The following ZNF620 variants were observed in gnomAD, a reference collection of about 807,000 sequenced individuals.
ZNF620 encodes the protein zinc finger protein 620.
ZNF620 carries 10 observed loss-of-function variants against 13.3 expected under a neutral mutation model. The observed-to-expected ratio is 0.75, with a 90% CI of 0.46 to 1.28. The LOEUF is 1.28. Among genes scored for constraint, ZNF620 ranks in the 50% most tolerant of loss-of-function variants. ZNF620 has a pLI of 0.00. For missense variants in ZNF620, 461 were observed against 500.2 expected (o/e 0.92, Z 0.75); for synonymous variants, 166 against 177.6 (o/e 0.93, Z 0.52).
chr3:40,515,861 G>C lies in ZNF620; in HGVS notation c.267G>C (p.Gly89=). The stretch of plus-strand genomic sequence containing the variant: ...ATTTGTATTTTCTTTTTGTGATAGG[G>C]GATGAGGCCAGAACTGAGAAGGAAG... ...GREALRGICP[G]DEARTEKEGL... is the part of the protein sequence containing the mutation. Residue 89 remains glycine, a splice_region_variant and synonymous_variant, in exon 5 of 5, where the codon GGG becomes GGC. Coordinates refer to ENST00000314529, the MANE Select transcript of ZNF620 (RefSeq NM_175888.4). 1 of 1,598,862 alleles carries C rather than the reference G, an allele frequency of 6.3e-7. No individual in the cohort carries two copies. The highest frequency in any genetic ancestry group is 8.5e-7 in the Non-Finnish European group (1 of 1,172,456).
chr3:40,513,318 T>A (rs13082794), intron 4 of ZNF620, among the ~76,000 whole-genome samples: 10,902 of 30,478 alleles, frequency 0.36, 852 homozygotes, highest in Middle Eastern at 0.42. Context: ...AAAAAAAAAA[T>A]ATATATATAT....
At position 40,516,710 on chromosome 3, in the gene ZNF620, A is replaced by G; in HGVS notation, c.1116A>G (p.Ala372=). 1 of 1,614,128 alleles carries G rather than the reference A, an allele frequency of 6.2e-7. No homozygotes were observed. The highest frequency in any genetic ancestry group is 8.5e-7 in the Non-Finnish European group (1 of 1,179,930). Residue 372 remains alanine, a synonymous_variant, in exon 5 of 5, where the codon GCA becomes GCG. Coordinates refer to ENST00000314529, the MANE Select transcript of ZNF620 (RefSeq NM_175888.4). ...KPFECKECGK[A]FNQKITLIQH... ...TTGAATGTAAGGAGTGTGGGAAGGCATTCAATCAGAAAATAACCCTGATTC... is the reference window on the plus strand; with the variant it reads ...TTGAATGTAAGGAGTGTGGGAAGGCGTTCAATCAGAAAATAACCCTGATTC...
intron 2 of ZNF620, among the ~76,000 whole-genome samples, chr3:40,511,183 G>A (rs1054714332): frequency 3.9e-5 from 6 of 152,048 alleles, no homozygotes; most frequent in African/African-American, 1.4e-4. Flanking sequence ...CCCACACTGG[G>A]GAAAGGAGCC....
chr3:40,514,160 T>A (rs1698301643), intron 4 of ZNF620, among the ~76,000 whole-genome samples: 1 of 152,186 alleles, frequency 6.6e-6, no homozygotes, highest in Non-Finnish European at 1.5e-5. Context: ...TCCCTGTTGA[T>A]GCTGTGCTTC....
At chr3:40,513,124 T>C (rs1698249248) in intron 4 of ZNF620, among the ~76,000 whole-genome samples, 1 of 151,706 alleles carries the variant, frequency 6.6e-6, no homozygotes, top group Non-Finnish European at 1.5e-5. Flanking sequence ...AAATTTATTG[T>C]AAATTAAAGG....
chr3:40,512,124 A>AT (rs1225466273), intron 3 of ZNF620, among the ~76,000 whole-genome samples: 20 of 152,210 alleles, frequency 1.3e-4, no homozygotes, highest in African/African-American at 4.8e-4. Flanking sequence ...TACCCAAAAC[A>AT]TGGGGGGGAA....
At chr3:40,513,897 T>C (rs1337014093) in intron 4 of ZNF620, among the ~76,000 whole-genome samples, 2 of 152,186 alleles carry the variant, frequency 1.3e-5, no homozygotes, top group African/African-American at 4.8e-5. Context: ...GTGAGCACTC[T>C]GTCAAGCCGG....
chr3:40,506,371 C>G lies in ZNF620; in HGVS notation c.19C>G (p.Arg7Gly), dbSNP rs1340739007. 2 of 1,613,824 alleles carry G rather than the reference C, an allele frequency of 1.2e-6. No individual in the cohort carries two copies. Among genetic ancestry groups the G allele is most frequent in the Non-Finnish European group, 1.7e-6 (2 of 1,179,994 alleles). MFQTAW[R>G]QEPVTFEDVA... ...GCCAGCCATGTTCCAGACCGCTTGG[C>G]GCCAGGTGAGTGAGCATCCTCTCCC... is the stretch of plus-strand genomic sequence containing the variant. Residue 7 changes from arginine (R) to glycine (G), a missense_variant, in exon 2 of 5, where the codon CGC becomes GGC. By Grantham distance (125) the Arg-to-Gly change is moderately radical. Transcript: ENST00000314529.
intron 4 of ZNF620, among the ~76,000 whole-genome samples, chr3:40,515,490 T>C (rs537065456): frequency 2.6e-5 from 4 of 152,366 alleles, no homozygotes; most frequent in South Asian, 2.1e-4. Flanking sequence ...CTCTCACTTA[T>C]GGATTTCCAT....
chr3:40,510,335 C>T (rs1698155911), intron 2 of ZNF620, among the ~76,000 whole-genome samples: 1 of 152,148 alleles, frequency 6.6e-6, no homozygotes, highest in South Asian at 2.1e-4. Context: ...TACCCTTTTA[C>T]TTTTGGTGTT....
In ZNF620 at chr3:40,511,454, G is replaced by C. The variant is rs745831436; in HGVS notation, c.25-16G>C. On this transcript the variant is annotated splice_polypyrimidine_tract_variant and intron_variant, in intron 2 of 4. Coordinates refer to ENST00000314529, the MANE Select transcript of ZNF620 (RefSeq NM_175888.4). Reference sequence around the variant, plus strand: ...CTGCCCTCACACAGGGTTTGAGCAGGAACTTGTTGTTTTAGGAACCAGTGA... The same window carrying C: ...CTGCCCTCACACAGGGTTTGAGCAGCAACTTGTTGTTTTAGGAACCAGTGA... 1 of 1,611,592 alleles carries C rather than the reference G, an allele frequency of 6.2e-7. No homozygotes were observed. The highest frequency in any genetic ancestry group is 2.2e-5 in the East Asian group (1 of 44,802).
chr3:40,514,699 G>A (rs1040877310), intron 4 of ZNF620, among the ~76,000 whole-genome samples: 19 of 152,138 alleles, frequency 1.2e-4, no homozygotes, highest in Non-Finnish European at 1.5e-5. Flanking sequence ...TTGAACCCAG[G>A]AGGTGGAGGT....
In ZNF620 at chr3:40,516,571, A is replaced by G; in HGVS notation, c.977A>G (p.His326Arg). The part of the protein sequence containing the change: ...TFSCSSSFTV[H>R]QRMHTGEKPY... ...AGTTGCAGCTCAAGTTTCACTGTCC[A>G]TCAGCGAATGCACACTGGGGAGAAA... The change falls in exon 5 of 5, where the codon CAT becomes CGT. Residue 326 changes from histidine (H) to arginine (R), a missense_variant. Coordinates refer to ENST00000314529, the MANE Select transcript of ZNF620 (RefSeq NM_175888.4). 4 of 1,614,232 alleles carry G rather than the reference A, an allele frequency of 2.5e-6. No individual in the cohort carries two copies. The highest frequency in any genetic ancestry group is 3.4e-6 in the Non-Finnish European group (4 of 1,180,040).
chr3:40,517,009 C>G lies in ZNF620; in HGVS notation c.*146C>G. ...AAGTTTTTTGAACCTGTTTCCCCAA[C>G]ATGAAGTCTCTTTATGGTTAGAGAA... is the stretch of plus-strand genomic sequence containing the variant. On this transcript the variant is annotated 3_prime_UTR_variant, in exon 5 of 5. Transcript: ENST00000314529. The G allele has an allele frequency of 1.2e-6, 1 of 817,192 alleles. No individual in the cohort carries two copies. The highest frequency in any genetic ancestry group is 1.8e-6 in the Non-Finnish European group (1 of 542,274). The allele number at this position is 817,192 out of a possible 1,614,324, so 50.6% of individuals were successfully genotyped here. A position where few individuals can be genotyped will look rare whatever the true frequency, so the allele number is the denominator to read the frequency against.
chr3:40,514,763 C>T (rs1032073069), intron 4 of ZNF620, among the ~76,000 whole-genome samples: 1 of 152,170 alleles, frequency 6.6e-6, no homozygotes, highest in Non-Finnish European at 1.5e-5. Flanking sequence ...CACAGCGAGA[C>T]TCTATCTCAA....
At chr3:40,510,968 G>C (rs938206405) in intron 2 of ZNF620, among the ~76,000 whole-genome samples, 4 of 152,100 alleles carry the variant, frequency 2.6e-5, no homozygotes, top group African/African-American at 9.7e-5. Context: ...AACATCGCCA[G>C]GCTGGTCTCA....
chr3:40,516,297 TATAACTC>T lies in ZNF620; in HGVS notation c.706_712del (p.Asn236TyrfsTer7), dbSNP rs758015432. The T allele has an allele frequency of 1.2e-6, 2 of 1,614,192 alleles. No homozygotes were observed. The highest frequency in any genetic ancestry group is 4.5e-5 in the East Asian group (2 of 44,890). ...CAAAGAATGTGGAAAATACTTCAGA[TATAACTC>T]ATTACTTATTCGGCATCAGATAATT... is the stretch of plus-strand genomic sequence containing the variant. On this transcript the variant is annotated frameshift_variant, in exon 5 of 5. Transcript: ENST00000314529. LOFTEE classifies it low-confidence loss of function (END_TRUNC).
intron 2 of ZNF620, among the ~76,000 whole-genome samples, chr3:40,509,397 A>AT (rs1230173397): frequency 2.0e-5 from 3 of 151,742 alleles, no homozygotes; most frequent in African/African-American, 7.3e-5. Context: ...TGCCTGGCAC[A>AT]TTTTTTGTAT....
intron 2 of ZNF620, among the ~76,000 whole-genome samples, chr3:40,506,680 T>TA (rs1249434120): frequency 6.6e-6 from 1 of 152,232 alleles, no homozygotes; most frequent in African/African-American, 2.4e-5. Flanking sequence ...GAGAAGTACT[T>TA]ACTTCTTCAG....
Sources: allele counts gnomAD v4.1 joint callset (sites outside exome capture counted in the v4.1 genomes callset), GRCh38; gene constraint gnomAD v4.1.1; transcripts MANE v1.5; gene names NCBI Gene and HGNC (gene_info 2026-07-23, HGNC 2026-07-21).